The following PPP2R2D variants were observed in gnomAD, a reference collection of about 807,000 sequenced individuals.
PPP2R2D encodes the protein protein phosphatase 2 regulatory subunit Bdelta.
Under a neutral mutation model 31.1 loss-of-function variants are expected in PPP2R2D, and 9 were observed. That is an observed-to-expected ratio of 0.29 (90% CI 0.17 to 0.51). The LOEUF (loss-of-function observed/expected upper bound fraction) is 0.51. Ranked by LOEUF, PPP2R2D falls within the 20% of genes least tolerant of loss-of-function variation. PPP2R2D has a pLI of 0.98. For missense variants in PPP2R2D, 391 were observed against 465.6 expected (o/e 0.84, Z 1.48); for synonymous variants, 179 against 172.6 (o/e 1.04, Z -0.29).
At chr10:131,937,385 G>A (rs890454483) in intron 3 of PPP2R2D, among the ~76,000 whole-genome samples, 8 of 152,236 alleles carry the variant, frequency 5.3e-5, no homozygotes, top group African/African-American at 1.9e-4. Context: ...CAGGAATCAG[G>A]TGAAATCAGA....
chr10:131,907,885 T>C (rs1392574341), intron 2 of PPP2R2D, among the ~76,000 whole-genome samples: 1 of 152,216 alleles, frequency 6.6e-6, no homozygotes, highest in Non-Finnish European at 1.5e-5. Context: ...CCTGGTGATT[T>C]TCCACGTTCC....
chr10:131,967,884 G>T, the PPP2R2D span: 4 of 152,258 alleles, frequency 2.6e-5, no homozygotes, highest in African/African-American at 7.2e-5. Flanking sequence ...CATCCAGGGT[G>T]ATCACCTAAT....
chr10:131,970,443 G>A, the PPP2R2D span: 19 of 725,484 alleles, frequency 2.6e-5, no homozygotes, highest in South Asian at 3.8e-5. This position sits in a 1 kb window ranked among gnomAD's most constrained non-coding sequence, Gnocchi z 4.1. Context: ...ACCACAGGGC[G>A]CCTGTGCTGG....
chr10:131,920,118 C>G (rs115507520), intron 2 of PPP2R2D, among the ~76,000 whole-genome samples: 2,266 of 126,920 alleles, frequency 0.018, 75 homozygotes, highest in African/African-American at 0.054. Context: ...GTAGGGACCT[C>G]ACGCGGGTGG....
intron 2 of PPP2R2D, chr10:131,912,632 T>C (rs959403829): frequency 2.6e-5 from 4 of 152,268 alleles, no homozygotes; most frequent in East Asian, 1.9e-4. Flanking sequence ...ATCATACACA[T>C]GAGACGATCA....
At chr10:131,939,945 G>T in intron 3 of PPP2R2D, 86 bp from the exon 4 acceptor site, 1 of 443,900 alleles carries the variant, frequency 2.3e-6, no homozygotes, top group East Asian at 3.3e-5. Flanking sequence ...AAATATGTAT[G>T]GTCATTTGAT....
rs1554900060 is a variant in PPP2R2D, at chr10:131,956,622, CTGTT to C, written c.*662_*665del. 19 of 940,250 alleles carry C rather than the reference CTGTT, an allele frequency of 2.0e-5. No individual in the cohort carries two copies. The highest frequency in any genetic ancestry group is 1.2e-4 in the Admixed American group (2 of 16,222). The allele number at this position is 940,250 out of a possible 1,614,324, so 58.2% of individuals were successfully genotyped here. ...ATGCAGGGTTCTTCTTTGGAACTAA[CTGTT>C]TGAGAAATGTGTGTCCTTCTTTGGC... On this transcript the variant is annotated 3_prime_UTR_variant, in exon 9 of 9. Transcript: ENST00000455566.
At chr10:131,942,416 A>G (rs2036458307) in intron 5 of PPP2R2D, among the ~76,000 whole-genome samples, 2 of 152,394 alleles carry the variant, frequency 1.3e-5, no homozygotes, top group African/African-American at 4.8e-5. Context: ...GTAATTCTGT[A>G]CATTGACTTA....
In PPP2R2D at chr10:131,956,177, C is replaced by T. The variant is rs1455082069; in HGVS notation, c.*214C>T. On this transcript the variant is annotated 3_prime_UTR_variant, in exon 9 of 9. Transcript: ENST00000455566. Reference sequence around the variant, plus strand: ...GCGCTGCTGCTCACGTGGAGACGCTCTCGAAGCAGAGTTGACGGACACTGC... The same window carrying T: ...GCGCTGCTGCTCACGTGGAGACGCTTTCGAAGCAGAGTTGACGGACACTGC... The T allele has an allele frequency of 4.9e-6, 6 of 1,228,354 alleles. No individual in the cohort carries two copies. In the African/African-American group the frequency reaches 7.8e-5, roughly 16 times the overall value. 76.1% of individuals were successfully genotyped at this position (1,228,354 alleles called of 1,614,324 possible).
Position 131,903,974 on chromosome 10 carries a change from C to T in PPP2R2D, c.100+2644C>T, listed in dbSNP as rs887121258. On this transcript the variant is annotated intron_variant, in intron 2 of 8. Transcript: ENST00000455566. Reference sequence around the variant, plus strand: ...ACCCCAGCACTCTGGGAGGCTGAGGCGGGTGGATCACTTGAGGTCAGGAGT... The same window carrying T: ...ACCCCAGCACTCTGGGAGGCTGAGGTGGGTGGATCACTTGAGGTCAGGAGT... Among the ~76,000 whole-genome samples the T allele has an allele frequency of 3.9e-5, 6 of 152,202 alleles. No homozygotes were observed. The East Asian group carries it at 9.7e-4, about 25-fold the overall frequency.
chr10:131,912,290 A>G (rs1258650178), intron 2 of PPP2R2D: 1 of 152,154 alleles, frequency 6.6e-6, no homozygotes, highest in South Asian at 2.1e-4. Context: ...AGGCTCAAGC[A>G]ATCCTCTCCC....
In PPP2R2D at chr10:131,956,836, C is replaced by T; in HGVS notation, c.*873C>T. ...ATCCAGTAAGCCTGGTTTAAAGTAG[C>T]TTCAAATTCACTACAGTTGAAGAAA... On this transcript the variant is annotated 3_prime_UTR_variant, in exon 9 of 9. Coordinates refer to ENST00000455566, the MANE Select transcript of PPP2R2D (RefSeq NM_018461.5). The T allele has an allele frequency of 6.6e-6, 1 of 152,480 alleles. No homozygotes were observed. The highest frequency in any genetic ancestry group is 1.9e-4 in the East Asian group (1 of 5,192). The allele number at this position is 152,480 out of a possible 1,614,324, so 9.4% of individuals were successfully genotyped here.
chr10:131,947,564 C>T lies in PPP2R2D; in HGVS notation c.855C>T (p.Ser285=). ...FEEPEDPSSR[S]FFSEIISSIS... is the part of the protein sequence containing the mutation. ...AGCCTGAAGATCCCAGCAGTAGGTC[C>T]TTCTTCTCAGAAATAATTTCATCCA... The change falls in exon 8 of 9, where the codon TCC becomes TCT. Residue 285 remains serine, a synonymous_variant. Coordinates refer to ENST00000455566, the MANE Select transcript of PPP2R2D (RefSeq NM_018461.5). The surrounding 1 kb of genome is among the most constrained non-coding windows in gnomAD (Gnocchi z 4.3). The T allele has an allele frequency of 6.2e-7, 1 of 1,614,156 alleles. No individual in the cohort carries two copies. The highest frequency in any genetic ancestry group is 8.5e-7 in the Non-Finnish European group (1 of 1,180,018).
intron 2 of PPP2R2D, among the ~76,000 whole-genome samples, chr10:131,903,611 T>G (rs2035536589): frequency 6.6e-6 from 1 of 152,250 alleles, no homozygotes; most frequent in Non-Finnish European, 1.5e-5. Flanking sequence ...TGTCGTGGTT[T>G]CTTTTGTAAC....
At chr10:131,959,991 C>T (rs2036900477), downstream of PPP2R2D, among the ~76,000 whole-genome samples, 1 of 152,242 alleles carries the variant, frequency 6.6e-6, no homozygotes, top group African/African-American at 2.4e-5. Flanking sequence ...TCCCGTGGAA[C>T]TGCCACTGCC....
chr10:131,916,152 C>T (rs540615111), intron 2 of PPP2R2D, among the ~76,000 whole-genome samples: 18 of 152,292 alleles, frequency 1.2e-4, no homozygotes, highest in South Asian at 6.2e-4. Flanking sequence ...TCTCTGGCCA[C>T]GCGCCCTGAT....
chr10:131,960,072 C>G (rs550275016), downstream of PPP2R2D, among the ~76,000 whole-genome samples: 73 of 152,356 alleles, frequency 4.8e-4, no homozygotes, highest in African/African-American at 1.7e-3. Context: ...GGGAAGCCAC[C>G]TGGCCAGCAG....
At chr10:131,965,096 G>GA in the PPP2R2D span, among the ~76,000 whole-genome samples, 1 of 152,024 alleles carries the variant, frequency 6.6e-6, no homozygotes, top group Non-Finnish European at 1.5e-5. Flanking sequence ...TTGCAGTTTG[G>GA]ACGGGGCTCA....
chr10:131,920,034 C>A (rs1285146996), intron 2 of PPP2R2D, among the ~76,000 whole-genome samples: 6 of 143,026 alleles, frequency 4.2e-5, no homozygotes, highest in Non-Finnish European at 7.5e-5. Flanking sequence ...TGGGATGACA[C>A]AGTGTAGGGA....
Sources: gnomAD v4.1 joint callset for allele counts (sites outside exome capture counted in the v4.1 genomes callset) on GRCh38, gnomAD v4.1.1 for gene constraint, Gnocchi (gnomAD v3.1) non-coding constraint, MANE v1.5 for transcripts, NCBI Gene and HGNC (gene_info 2026-07-23, HGNC 2026-07-21) for gene names.